SBNO1: variants seen among roughly 807,000 people sequenced by gnomAD.
SBNO1 encodes strawberry notch homolog 1, also known as protein strawberry notch homolog 1.
In SBNO1, 23 loss-of-function variants were observed where a neutral mutation model predicts 173.6. That is an observed-to-expected ratio of 0.13 (90% CI 0.10 to 0.19). The LOEUF is 0.19. Ranked by LOEUF, SBNO1 falls within the 10% of genes least tolerant of loss-of-function variation. SBNO1 has a pLI of 1.00. For synonymous variants in SBNO1, 632 were observed against 571.5 expected (o/e 1.11, Z -1.51); for missense variants, 1,238 against 1,671.2 (o/e 0.74, Z 4.52).
At position 123,292,660 on chromosome 12, in the gene SBNO1, T is replaced by C. The variant is rs147497404; in HGVS notation, c.*3248A>G. 5.3e-4 allele frequency: 80 copies of C among 152,278 alleles called. No homozygotes were observed. Among genetic ancestry groups the C allele is most frequent in the African/African-American group, 1.6e-3 (68 of 41,534 alleles). The allele number at this position is 152,278 out of a possible 1,614,324, so 9.4% of individuals were successfully genotyped here. A position where few individuals can be genotyped will look rare whatever the true frequency, so the allele number is the denominator to read the frequency against. ...TCTACAGATGAGGCAAACTAAAATATTGTTGTAACTCAAAAAGGCTTCTGA... is the reference window on the plus strand; with the variant it reads ...TCTACAGATGAGGCAAACTAAAATACTGTTGTAACTCAAAAAGGCTTCTGA... On this transcript the variant is annotated 3_prime_UTR_variant, in exon 32 of 32. Transcript: ENST00000602398.
At position 123,289,829 on chromosome 12, in the gene SBNO1, A is replaced by G. The variant is rs1379601486; in HGVS notation, c.*6079T>C. On this transcript the variant is annotated 3_prime_UTR_variant, in exon 32 of 32. Transcript: ENST00000602398. The stretch of plus-strand genomic sequence containing the variant: ...GCCCCATAAAGTGGGAGTCAGAAAG[A>G]GGGCTCAAGCTTCTTTATCCTCTTC... The G allele has an allele frequency of 6.6e-6, 1 of 152,262 alleles. No homozygotes were observed. The highest frequency in any genetic ancestry group is 2.4e-5 in the African/African-American group (1 of 41,466). 9.4% of individuals were successfully genotyped at this position (152,262 alleles called of 1,614,324 possible).
rs532802325 is a variant in SBNO1, at chr12:123,336,489, C to A, written c.654G>T (p.Lys218Asn). 1.2e-6 allele frequency: 2 copies of A among 1,604,358 alleles called. No individual in the cohort carries two copies. Among genetic ancestry groups the A allele is most frequent in the Admixed American group, 1.7e-5 (1 of 58,724 alleles). Residue 218 changes from lysine to asparagine, a missense_variant and splice_region_variant, in exon 6 of 32, where the codon AAG becomes AAT. Coordinates refer to ENST00000602398, the MANE Select transcript of SBNO1 (RefSeq NM_001167856.3). ...MKMRSFSPTM[K>N]VPVVKEDDEP... ...CATCATCTTCTTTTACAACAGGAAC[C>A]TTCTGCAACACAGAAAGAGCACAAT...
intron 5 of SBNO1, among the ~76,000 whole-genome samples, chr12:123,340,693 C>T (rs983115665): frequency 6.0e-5 from 9 of 150,866 alleles, no homozygotes; most frequent in African/African-American, 2.2e-4. Context: ...ACACAGTTAT[C>T]AAATACTTTT....
At chr12:123,336,676 A>T (rs1804485199) in intron 5 of SBNO1, among the ~76,000 whole-genome samples, 185 bp from the exon 6 acceptor site, 1 of 152,234 alleles carries the variant, frequency 6.6e-6, no homozygotes, top group Non-Finnish European at 1.5e-5. Context: ...TAATGAGCAC[A>T]GACAATGAGG....
At chr12:123,363,341 C>T (rs1390153387) in intron 1 of SBNO1, among the ~76,000 whole-genome samples, 1 of 152,156 alleles carries the variant, frequency 6.6e-6, no homozygotes. Context: ...AAAATCAATT[C>T]TGATTGCTAG....
rs2048586801 is a variant in SBNO1 at position 123,296,029 on chromosome 12, C to T, written c.4061G>A (p.Cys1354Tyr). 1 of 1,613,572 alleles carries T rather than the reference C, an allele frequency of 6.2e-7. No homozygotes were observed. Among genetic ancestry groups the T allele is most frequent in the Non-Finnish European group, 8.5e-7 (1 of 1,179,530 alleles). ...TAGGAGATTTACAAGAGGAGACACA[C>T]AATTTGCCGGAATGATCAAACCTGT... ...RIVGLIIPAN[C>Y]VSPLVNLLST... The change falls in exon 32 of 32, where the codon TGT becomes TAT. Residue 1354 changes from cysteine to tyrosine, a missense_variant. Coordinates refer to ENST00000602398, the MANE Select transcript of SBNO1 (RefSeq NM_001167856.3).
At chr12:123,343,657 C>T (rs1257199588) in intron 4 of SBNO1, among the ~76,000 whole-genome samples, 1 of 151,788 alleles carries the variant, frequency 6.6e-6, no homozygotes, top group African/African-American at 2.4e-5. Flanking sequence ...CCTGCCTCAG[C>T]CTCCCAAGTA....
At chr12:123,302,239 T>G (rs34201657) in intron 30 of SBNO1, among the ~76,000 whole-genome samples, 27 of 124,840 alleles carry the variant, frequency 2.2e-4, no homozygotes, top group East Asian at 7.7e-4. Context: ...GGCCTTATTG[T>G]TTTTTTTTTT....
At chr12:123,312,062 T>C (rs536543222) in intron 24 of SBNO1, among the ~76,000 whole-genome samples, 10 of 151,506 alleles carry the variant, frequency 6.6e-5, no homozygotes, top group Non-Finnish European at 1.0e-4. Context: ...TTTAAGAAGT[T>C]AGAAGTAAAT....
intron 31 of SBNO1, among the ~76,000 whole-genome samples, chr12:123,296,849 G>T (rs1018722875): frequency 6.7e-6 from 1 of 148,810 alleles, no homozygotes; most frequent in Non-Finnish European, 1.5e-5. Context: ...GTGAGCCACC[G>T]TGCCCGGCCC....
At position 123,297,400 on chromosome 12, in the gene SBNO1, C is replaced by CAAAAAAAAAAAAAAAAAAAAAAAAAAA. The variant is rs59447456; in HGVS notation, c.4039+577_4039+578insTTTTTTTTTTTTTTTTTTTTTTTTTTT. Among the ~76,000 whole-genome samples the CAAAAAAAAAAAAAAAAAAAAAAAAAAA allele has an allele frequency of 1.4e-3, 43 of 31,510 alleles. 10 individuals carry two copies. Among genetic ancestry groups the CAAAAAAAAAAAAAAAAAAAAAAAAAAA allele is most frequent in the South Asian group, 2.1e-3 (1 of 466 alleles). 20.7% of individuals were successfully genotyped at this position (31,510 alleles called of 152,430 possible). Reference sequence around the variant, plus strand: ...TACAACATCCCAAAATACTGGTGTCCAAAAAAAAAAAAAAAAAAAAAATTC... The same window carrying CAAAAAAAAAAAAAAAAAAAAAAAAAAA: ...TACAACATCCCAAAATACTGGTGTCCAAAAAAAAAAAAAAAAAAAAAAAAAAAAAAAAAAAAAAAAAAAAAAAAATTC... On this transcript the variant is annotated intron_variant, in intron 31 of 31. Transcript: ENST00000602398.
At chr12:123,343,120 CT>C (rs1306153429) in intron 4 of SBNO1, among the ~76,000 whole-genome samples, 2 of 152,068 alleles carry the variant, frequency 1.3e-5, no homozygotes, top group Non-Finnish European at 2.9e-5. Context: ...GTAATCCCAG[CT>C]ATTTGGGAGG....
chr12:123,351,114 T>C (rs1873818267), intron 1 of SBNO1, among the ~76,000 whole-genome samples: 1 of 148,734 alleles, frequency 6.7e-6, no homozygotes, highest in Admixed American at 6.7e-5. Flanking sequence ...AGAGCGAGAC[T>C]CCATCTCAAA....
intron 24 of SBNO1, among the ~76,000 whole-genome samples, chr12:123,312,715 A>G (rs1388428631): frequency 6.6e-6 from 1 of 151,902 alleles, no homozygotes; most frequent in East Asian, 1.9e-4. Flanking sequence ...CGTCTCGAAA[A>G]AAAAAAAAAG....
chr12:123,361,021 G>A (rs749887591), intron 1 of SBNO1, among the ~76,000 whole-genome samples: 53 of 152,042 alleles, frequency 3.5e-4, no homozygotes, highest in Non-Finnish European at 5.7e-4. Context: ...CGAGGCAGGC[G>A]GATCACGAGA....
At chr12:123,302,033 C>T (rs894779070) in intron 30 of SBNO1, among the ~76,000 whole-genome samples, 8 of 151,822 alleles carry the variant, frequency 5.3e-5, no homozygotes, top group African/African-American at 9.7e-5. Context: ...CTCCGCCTCC[C>T]GGGTTCAAAC....
At chr12:123,318,393 C>G (rs1445520502) in intron 20 of SBNO1, among the ~76,000 whole-genome samples, 33 of 151,166 alleles carry the variant, frequency 2.2e-4, no homozygotes, top group Non-Finnish European at 4.4e-5. Flanking sequence ...GAGCTGAGAT[C>G]CAGCCTGGGG....
intron 5 of SBNO1, among the ~76,000 whole-genome samples, chr12:123,338,953 C>A (rs1872218218): frequency 7.5e-6 from 1 of 134,180 alleles, no homozygotes; most frequent in Non-Finnish European, 1.5e-5. Flanking sequence ...GATGGGCTAT[C>A]AGTTTGCAGT....
chr12:123,297,211 A>AC (rs2048628472), intron 31 of SBNO1, among the ~76,000 whole-genome samples: 2 of 149,906 alleles, frequency 1.3e-5, no homozygotes, highest in African/African-American at 4.9e-5. Flanking sequence ...AAAATATAAA[A>AC]ATTAGCCAGG....
Sources: allele counts gnomAD v4.1 joint callset (sites outside exome capture counted in the v4.1 genomes callset), GRCh38; gene constraint gnomAD v4.1.1; transcripts MANE v1.5; gene names NCBI Gene and HGNC (gene_info 2026-07-23, HGNC 2026-07-21).